FGFR2: variants seen among roughly 807,000 people sequenced by gnomAD.
FGFR2 encodes the protein fibroblast growth factor receptor 2.
A neutral mutation model predicts 95.9 loss-of-function variants in FGFR2; 19 were observed. The observed-to-expected ratio is 0.20, with a 90% CI of 0.14 to 0.29. FGFR2 has a LOEUF of 0.29. Among genes scored for constraint, FGFR2 ranks in the 10% least tolerant of loss-of-function variants. The probability of loss-of-function intolerance (pLI) is 1.00; values close to 1 mark genes in which losing one functional copy is unlikely to be tolerated. For synonymous variants in FGFR2, 392 were observed against 393.3 expected, an observed-to-expected ratio of 1.00 and a Z score of 0.04; for missense variants, 707 against 1,056.9, an observed-to-expected ratio of 0.67 and a Z score of 4.59.
rs41293761 is a variant in FGFR2, at chr10:121,496,771, C to T, written c.1673-49G>A. 9,997 of 1,561,820 alleles carry T rather than the reference C, an allele frequency of 6.4e-3. 42 individuals carry two copies. The highest frequency in any genetic ancestry group is 9.1e-3 in the Middle Eastern group (39 of 4,276). ...CCTAAAGAGAGAATCCAGGGTCTCC[C>T]CTTGGGCAATTCAGCAAAACATTTT... On this transcript the variant is annotated intron_variant, in intron 12 of 17. Transcript: ENST00000358487.
At chr10:121,574,313 G>A (rs367739413) in intron 2 of FGFR2, among the ~76,000 whole-genome samples, 7 of 152,188 alleles carry the variant, frequency 4.6e-5, no homozygotes, top group African/African-American at 1.7e-4. Flanking sequence ...TGGATCACTT[G>A]AGGTCAGGAG....
At position 121,585,829 on chromosome 10, in the gene FGFR2, G is replaced by A. The variant is rs547237918; in HGVS notation, c.109+7880C>T. Among the ~76,000 whole-genome samples the A allele has an allele frequency of 3.9e-5, 6 of 152,250 alleles. No individual in the cohort carries two copies. The South Asian group carries it at 8.3e-4, about 21-fold the overall frequency. Reference sequence around the variant, plus strand: ...GTCCACGATATATATTCAGTTGTGCGTCTATTGCAGCCAGGTAGAAATGCA... The same window carrying A: ...GTCCACGATATATATTCAGTTGTGCATCTATTGCAGCCAGGTAGAAATGCA... On this transcript the variant is annotated intron_variant, in intron 2 of 17. Coordinates refer to ENST00000358487, the MANE Select transcript of FGFR2 (RefSeq NM_000141.5).
chr10:121,533,916 C>T (rs1852437675), intron 6 of FGFR2, among the ~76,000 whole-genome samples: 2 of 152,138 alleles, frequency 1.3e-5, no homozygotes, highest in Admixed American at 6.5e-5. Context: ...GAGGGGTGGG[C>T]GTAAAGAAGC....
chr10:121,551,558 G>T, intron 4 of FGFR2, 99 bp from the exon 5 acceptor site: 1 of 1,089,526 alleles, frequency 9.2e-7, no homozygotes. Context: ...GCATGTAAAT[G>T]CTAGGCTATT....
Position 121,488,017 on chromosome 10 carries a change from T to A in FGFR2, c.1960A>T (p.Ile654Leu), listed in dbSNP as rs747718232. 3 of 1,614,210 alleles carry A rather than the reference T, an allele frequency of 1.9e-6. No individual in the cohort carries two copies. The highest frequency in any genetic ancestry group is 2.5e-6 in the Non-Finnish European group (3 of 1,180,018). Residue 654 changes from isoleucine (I) to leucine (L), a missense_variant, in exon 14 of 18, where the codon ATA (isoleucine) becomes TTA (leucine). Transcript: ENST00000358487. ...TTGGTGGTCTTTTTGTAATAGTCTA[T>A]ATTGTTGATATCTCTGGCGAGTCCA... ...DFGLARDINNIDYYKKTTNGR... is the reference protein window; with the variant it reads ...DFGLARDINNLDYYKKTTNGR...
At chr10:121,544,526 C>T (rs1182409465) in intron 5 of FGFR2, among the ~76,000 whole-genome samples, 1 of 151,052 alleles carries the variant, frequency 6.6e-6, no homozygotes, top group Non-Finnish European at 1.5e-5. Flanking sequence ...TTGATTCATG[C>T]TACAATATGG....
chr10:121,516,009 T>C (rs1381368548), intron 8 of FGFR2, among the ~76,000 whole-genome samples: 1 of 152,050 alleles, frequency 6.6e-6, no homozygotes, highest in Non-Finnish European at 1.5e-5. Flanking sequence ...TATCCGGTTA[T>C]ATTGTTATGT....
Position 121,479,816 on chromosome 10 carries a change from TCC to T in FGFR2, c.*39_*40del, listed in dbSNP as rs1377239040. The T allele has an allele frequency of 1.9e-6, 3 of 1,614,030 alleles. No individual in the cohort carries two copies. The South Asian group carries it at 3.3e-5, about 18-fold the overall frequency. ...GTCTCCCTGCTCAGTGTAGCTAGGT[TCC>T]CAGTGCTGTCCTGTTTGGGGACAGG... On this transcript the variant is annotated 3_prime_UTR_variant, in exon 18 of 18. Transcript: ENST00000358487.
At chr10:121,549,802 A>AAGAG (rs1855100783) in intron 5 of FGFR2, among the ~76,000 whole-genome samples, 1 of 152,072 alleles carries the variant, frequency 6.6e-6, no homozygotes, top group Non-Finnish European at 1.5e-5. Flanking sequence ...TTCCCCAATT[A>AAGAG]ACCCTTCCAA....
intron 4 of FGFR2, among the ~76,000 whole-genome samples, chr10:121,553,006 A>G (rs987911387): frequency 3.6e-4 from 55 of 152,298 alleles, no homozygotes; most frequent in Middle Eastern, 3.4e-3. Flanking sequence ...GATCCCCTTC[A>G]CTTAGCAGCC....
intron 5 of FGFR2, among the ~76,000 whole-genome samples, chr10:121,540,453 A>T (rs908046562): frequency 6.6e-6 from 1 of 152,160 alleles, no homozygotes; most frequent in African/African-American, 2.4e-5. Context: ...AAGGAGGAGG[A>T]GATATGGATG....
At chr10:121,542,609 G>C (rs1057457828) in intron 5 of FGFR2, among the ~76,000 whole-genome samples, 18 of 152,136 alleles carry the variant, frequency 1.2e-4, no homozygotes, top group Non-Finnish European at 2.5e-4. Context: ...GGAGAGCATG[G>C]ACTTCAAAAC....
At chr10:121,549,179 A>C (rs931679640) in intron 5 of FGFR2, among the ~76,000 whole-genome samples, 4 of 152,192 alleles carry the variant, frequency 2.6e-5, no homozygotes, top group Admixed American at 6.5e-5. Context: ...CTAGATGTTA[A>C]TTTCTAAGTG....
intron 6 of FGFR2, among the ~76,000 whole-genome samples, chr10:121,521,077 T>C (rs1250767457): frequency 2.0e-5 from 3 of 152,230 alleles, no homozygotes; most frequent in Non-Finnish European, 4.4e-5. Flanking sequence ...ATTCACTCCA[T>C]TCATTCATTC....
chr10:121,525,960 A>T (rs1851310268), intron 6 of FGFR2, among the ~76,000 whole-genome samples: 1 of 152,092 alleles, frequency 6.6e-6, no homozygotes, highest in Non-Finnish European at 1.5e-5. Flanking sequence ...CCCAAAAGTT[A>T]GGCAGTACTT....
At chr10:121,575,787 C>G (rs922965485) in intron 2 of FGFR2, among the ~76,000 whole-genome samples, 1 of 148,878 alleles carries the variant, frequency 6.7e-6, no homozygotes, top group African/African-American at 2.4e-5. Flanking sequence ...ACCAGGGAGG[C>G]AGAGGTTGCA....
intron 6 of FGFR2, among the ~76,000 whole-genome samples, chr10:121,534,091 CTTTTTTT>C (rs1022674124): frequency 3.0e-4 from 28 of 92,106 alleles, no homozygotes; most frequent in Non-Finnish European, 4.5e-4. Flanking sequence ...CCCAAAATGG[CTTTTTTT>C]TTTTTTTTTT....
chr10:121,538,715 C>A lies in FGFR2; in HGVS notation c.625G>T (p.Val209Leu), dbSNP rs1373181160. Residue 209 changes from valine to leucine, a missense_variant and splice_region_variant, in exon 6 of 18, where the codon GTA (valine) becomes TTA (leucine). Physicochemically the swap from Val to Leu is conservative, Grantham distance 32 (BLOSUM62 1). This residue lies in a region of FGFR2 where 139 missense variants were observed against 278.1 expected (regional missense o/e 0.50). Transcript: ENST00000358487. ...KQEHRIGGYK[V>L]RNQHWSLIME... ...ATGAGGCTCCAGTGCTGGTTTCGTA[C>A]CTGAAAAGATCAAAGCAAAGGCGGT... 6.2e-7 allele frequency: 1 copy of A among 1,614,140 alleles called. No individual in the cohort carries two copies.
intron 3 of FGFR2, among the ~76,000 whole-genome samples, chr10:121,565,131 C>T (rs187962406): frequency 1.2e-4 from 17 of 137,678 alleles, no homozygotes; most frequent in African/African-American, 3.9e-4. Context: ...TCTTGAGTAT[C>T]CAAATTTCAA....
Sources: gnomAD v4.1 joint callset for allele counts (sites outside exome capture counted in the v4.1 genomes callset) on GRCh38, gnomAD v4.1.1 for gene constraint, gnomAD v4.1.1 regional missense constraint, MANE v1.5 for transcripts, NCBI Gene and HGNC (gene_info 2026-07-23, HGNC 2026-07-21) for gene names.